PHYHIPL: variants seen among roughly 807,000 people sequenced by gnomAD.
PHYHIPL encodes phytanoyl-CoA hydroxylase-interacting protein-like.
PHYHIPL carries 9 observed loss-of-function variants against 33.4 expected under a neutral mutation model. The ratio of observed to expected loss-of-function variants is 0.27; its 90% CI spans 0.16 to 0.47. The LOEUF (loss-of-function observed/expected upper bound fraction) is 0.47. Among genes scored for constraint, PHYHIPL ranks in the 20% least tolerant of loss-of-function variants. PHYHIPL has a pLI of 0.99. For missense variants in PHYHIPL, 365 were observed against 460.7 expected, an observed-to-expected ratio of 0.79 and a Z score of 1.90; for synonymous variants, 153 against 154.1, an observed-to-expected ratio of 0.99 and a Z score of 0.05.
At chr10:59,227,977 T>G (rs866270151) in intron 1 of PHYHIPL, among the ~76,000 whole-genome samples, 19 of 132,256 alleles carry the variant, frequency 1.4e-4, no homozygotes, top group East Asian at 1.3e-3. Flanking sequence ...CCTATTGAGA[T>G]ATATATATAT....
intron 1 of PHYHIPL, among the ~76,000 whole-genome samples, chr10:59,204,997 TG>T (rs1839247450): frequency 6.6e-6 from 1 of 151,884 alleles, no homozygotes; most frequent in Non-Finnish European, 1.5e-5. Context: ...CCCAAGTGGC[TG>T]GGATTACAGG....
rs149010838 is a variant in PHYHIPL, at chr10:59,187,722, G to A, written c.106+10763G>A. 5.6e-4 allele frequency among the ~76,000 whole-genome samples: 85 copies of A among 152,122 alleles called. 2 individuals carry two copies. In the East Asian group the frequency reaches 0.014, roughly 26 times the overall value. ...GGTGTATGTGTCGAGGAATTTATCC[G>A]TTTCTTCTAGATTTTCAAGTTTATT... On this transcript the variant is annotated intron_variant, in intron 1 of 4. Coordinates refer to ENST00000373880, the MANE Select transcript of PHYHIPL (RefSeq NM_032439.4).
chr10:59,246,721 G>A lies in PHYHIPL; in HGVS notation c.*1130G>A. Reference sequence around the variant, plus strand: ...TGAATAACTACAGCTCATGGGAAATGTTTTGACTTTACAAAGTATAGATGT... The same window carrying A: ...TGAATAACTACAGCTCATGGGAAATATTTTGACTTTACAAAGTATAGATGT... On this transcript the variant is annotated 3_prime_UTR_variant, in exon 5 of 5. Transcript: ENST00000373880. The A allele has an allele frequency of 2.5e-6, 1 of 397,116 alleles. No homozygotes were observed. 24.6% of individuals were successfully genotyped at this position (397,116 alleles called of 1,614,324 possible).
At chr10:59,190,778 C>T (rs931338736) in intron 1 of PHYHIPL, among the ~76,000 whole-genome samples, 3 of 151,586 alleles carry the variant, frequency 2.0e-5, no homozygotes, top group Non-Finnish European at 3.0e-5. Flanking sequence ...TCTTGTTTTT[C>T]GAAGAATATT....
chr10:59,221,414 A>G (rs983307491), intron 1 of PHYHIPL, among the ~76,000 whole-genome samples: 1 of 152,058 alleles, frequency 6.6e-6, no homozygotes, highest in Non-Finnish European at 1.5e-5. Flanking sequence ...CCATGTACAT[A>G]TATTTTGAAT....
At chr10:59,223,166 A>G (rs1839827089) in intron 1 of PHYHIPL, among the ~76,000 whole-genome samples, 1 of 152,220 alleles carries the variant, frequency 6.6e-6, no homozygotes, top group Non-Finnish European at 1.5e-5. Context: ...AAATGTTCAG[A>G]GGTTTCCAAA....
At chr10:59,180,610 A>T (rs572997059) in intron 1 of PHYHIPL, among the ~76,000 whole-genome samples, 2 of 152,142 alleles carry the variant, frequency 1.3e-5, no homozygotes, top group East Asian at 3.9e-4. Flanking sequence ...CACATTGGAA[A>T]GAAATTACAC....
chr10:59,200,814 A>G lies in PHYHIPL; in HGVS notation c.106+23855A>G, dbSNP rs147357124. Among the ~76,000 whole-genome samples, 529 of 152,120 alleles carry G rather than the reference A, an allele frequency of 3.5e-3. 3 individuals are homozygous for G. The highest frequency in any genetic ancestry group is 0.012 in the African/African-American group (505 of 41,496). ...GGTGTATGTGTCGAAGAATTTATCC[A>G]TTTCTCCTAGATTTTCGAGTTTATT... On this transcript the variant is annotated intron_variant, in intron 1 of 4. Transcript: ENST00000373880.
upstream of PHYHIPL, among the ~76,000 whole-genome samples, chr10:59,175,108 T>C (rs1410252071): frequency 2.0e-5 from 3 of 152,238 alleles, no homozygotes; most frequent in Non-Finnish European, 4.4e-5. Context: ...AGCCAGGCTT[T>C]CGAACACAGA....
At chr10:59,198,014 G>A (rs778547983) in intron 1 of PHYHIPL, among the ~76,000 whole-genome samples, 15 of 151,916 alleles carry the variant, frequency 9.9e-5, no homozygotes, top group Non-Finnish European at 2.2e-4. Context: ...GATGAACTTA[G>A]ATCTCTTTAT....
At chr10:59,214,940 A>G (rs1839572403) in intron 1 of PHYHIPL, among the ~76,000 whole-genome samples, 1 of 152,110 alleles carries the variant, frequency 6.6e-6, no homozygotes, top group Non-Finnish European at 1.5e-5. Flanking sequence ...CTAGATGGAT[A>G]CAGATAAACT....
At chr10:59,189,252 T>C (rs1027142938) in intron 1 of PHYHIPL, among the ~76,000 whole-genome samples, 2 of 152,022 alleles carry the variant, frequency 1.3e-5, no homozygotes, top group African/African-American at 4.8e-5. Context: ...ATTAAGAACA[T>C]TGAAAAAGAA....
At chr10:59,228,419 A>G (rs1839988869) in intron 1 of PHYHIPL, among the ~76,000 whole-genome samples, 2 of 152,152 alleles carry the variant, frequency 1.3e-5, no homozygotes, top group African/African-American at 4.8e-5. Context: ...AGCAGAGAAT[A>G]GTTTTGGTGT....
At chr10:59,239,677 T>C (rs1840333190) in intron 4 of PHYHIPL, among the ~76,000 whole-genome samples, 1 of 152,000 alleles carries the variant, frequency 6.6e-6, no homozygotes, top group Non-Finnish European at 1.5e-5. Flanking sequence ...CTGCAGGTAG[T>C]TTTTATATTT....
chr10:59,189,183 C>T (rs1838709577), intron 1 of PHYHIPL, among the ~76,000 whole-genome samples: 1 of 152,002 alleles, frequency 6.6e-6, no homozygotes, highest in Admixed American at 6.6e-5. Context: ...CTCAAGCTGT[C>T]TGTAAATGAC....
In PHYHIPL at chr10:59,187,389, G is replaced by C. The variant is rs201754714; in HGVS notation, c.106+10430G>C. Among the ~76,000 whole-genome samples the C allele has an allele frequency of 4.6e-5, 7 of 152,188 alleles. No homozygotes were observed. The East Asian group carries it at 1.4e-3, about 29-fold the overall frequency. The stretch of plus-strand genomic sequence containing the variant: ...GCCAGTATTTTATTGAGTATTTTTT[G>C]CATCAATGTTCATCAAGGATATTGG... On this transcript the variant is annotated intron_variant, in intron 1 of 4. Transcript: ENST00000373880.
intron 1 of PHYHIPL, among the ~76,000 whole-genome samples, chr10:59,180,239 G>A (rs1000131481): frequency 3.2e-5 from 4 of 126,552 alleles, no homozygotes; most frequent in Admixed American, 8.3e-5. Context: ...TGTGCTTTTC[G>A]TCTTTTAATC....
intron 1 of PHYHIPL, among the ~76,000 whole-genome samples, chr10:59,184,416 A>C (rs1252502802): frequency 6.6e-6 from 1 of 152,182 alleles, no homozygotes; most frequent in Non-Finnish European, 1.5e-5. Context: ...ATAGGAGTAA[A>C]AATATTGCAA....
chr10:59,177,004 G>A (rs759733629), intron 1 of PHYHIPL, 45 bp downstream of exon 1: 2 of 1,558,024 alleles, frequency 1.3e-6, no homozygotes. Context: ...AGTTCGCGCC[G>A]AGGCGCCGGG....
Sources: allele counts gnomAD v4.1 joint callset (sites outside exome capture counted in the v4.1 genomes callset), GRCh38; gene constraint gnomAD v4.1.1; transcripts MANE v1.5; gene names NCBI Gene and HGNC (gene_info 2026-07-23, HGNC 2026-07-21).